Variants in THEM4 observed in about 807,000 individuals in gnomAD.
THEM4 encodes the protein acyl-coenzyme A thioesterase THEM4.
THEM4 carries 22 observed loss-of-function variants against 25.0 expected under a neutral mutation model. That is an observed-to-expected ratio of 0.88 (90% CI 0.63 to 1.26). THEM4 has a LOEUF of 1.26. Ranked by LOEUF, THEM4 falls within the 50% of genes most tolerant of loss-of-function variation. The pLI, the probability that THEM4 is intolerant of heterozygous loss-of-function variation, is 0.00. For synonymous variants in THEM4, 113 were observed against 105.6 expected, an observed-to-expected ratio of 1.07 and a Z score of -0.43; for missense variants, 286 against 300.3, an observed-to-expected ratio of 0.95 and a Z score of 0.35.
chr1:151,904,373 TTCATA>T (rs1043213930), intron 1 of THEM4, among the ~76,000 whole-genome samples: 5 of 152,156 alleles, frequency 3.3e-5, no homozygotes, highest in Non-Finnish European at 7.4e-5. Context: ...ACAAAATATA[TTCATA>T]TATTATAAAA....
Position 151,874,598 on chromosome 1 carries a change from C to G in THEM4, c.*290G>C. ...TCGTGTTGCCCAGACTGATCTTGAA[C>G]TCCTGAGCTCAGGCAATCCGCCTGC... On this transcript the variant is annotated 3_prime_UTR_variant, in exon 6 of 6. Coordinates refer to ENST00000368814, the MANE Select transcript of THEM4 (RefSeq NM_053055.5). 1 of 452,632 alleles carries G rather than the reference C, an allele frequency of 2.2e-6. No individual in the cohort carries two copies. Among genetic ancestry groups the G allele is most frequent in the Non-Finnish European group, 4.0e-6 (1 of 252,272 alleles). 28.0% of individuals were successfully genotyped at this position (452,632 alleles called of 1,614,324 possible).
intron 1 of THEM4, among the ~76,000 whole-genome samples, chr1:151,899,383 C>T (rs1470931992): frequency 2.7e-5 from 4 of 150,414 alleles, no homozygotes; most frequent in African/African-American, 4.9e-5. Flanking sequence ...TCCAGCTACT[C>T]GGGAGGCTGA....
At chr1:151,908,933 T>A (rs149446877) in intron 1 of THEM4, among the ~76,000 whole-genome samples, 25 of 152,302 alleles carry the variant, frequency 1.6e-4, no homozygotes, top group Non-Finnish European at 2.8e-4. Flanking sequence ...TCTAATTAAT[T>A]GACCTAAAGG....
intron 1 of THEM4, among the ~76,000 whole-genome samples, chr1:151,906,942 A>G (rs1654482662): frequency 6.6e-6 from 1 of 152,124 alleles, no homozygotes; most frequent in African/African-American, 2.4e-5. Context: ...ATAAGAGAAT[A>G]AAAGCAGGCT....
intron 4 of THEM4, among the ~76,000 whole-genome samples, chr1:151,884,633 T>A (rs1256907861): frequency 6.6e-6 from 1 of 152,176 alleles, no homozygotes; most frequent in Non-Finnish European, 1.5e-5. Context: ...TTTAACCTAT[T>A]CACTGAGGTA....
intron 1 of THEM4, among the ~76,000 whole-genome samples, chr1:151,907,032 C>G (rs534097737): frequency 1.3e-5 from 2 of 152,172 alleles, no homozygotes; most frequent in Admixed American, 1.3e-4. Context: ...TGCAATAAAT[C>G]TTGCTGCTGC....
rs769964670 is a variant in THEM4, at chr1:151,872,382, C to T, written c.*2506G>A. On this transcript the variant is annotated 3_prime_UTR_variant, in exon 6 of 6. Transcript: ENST00000368814. ...GTCAATATTTGACCATTCTGTTCTT[C>T]GAAATAGTGATTTCATATGGTTCAG... 6.6e-6 allele frequency among the ~76,000 whole-genome samples: 1 copy of T among 151,976 alleles called. No homozygotes were observed. The highest frequency in any genetic ancestry group is 1.5e-5 in the Non-Finnish European group (1 of 68,012).
chr1:151,906,634 T>C (rs1029554088), intron 1 of THEM4, among the ~76,000 whole-genome samples: 3 of 152,226 alleles, frequency 2.0e-5, no homozygotes, highest in Non-Finnish European at 4.4e-5. Context: ...CCTTTATGTC[T>C]AGCTAAAGGA....
rs573791860 is a variant in THEM4, at chr1:151,885,840, T to C, written c.557+2433A>G. On this transcript the variant is annotated intron_variant, in intron 4 of 5. Transcript: ENST00000368814. ...TGAAATCATTAAGGAATAATCTTGC[T>C]TCTTAAAGGAAGTAAGGTAGATTAA... Among the ~76,000 whole-genome samples, 6 of 152,348 alleles carry C rather than the reference T, an allele frequency of 3.9e-5. No homozygotes were observed. In the South Asian group the frequency reaches 1.2e-3, roughly 32 times the overall value.
rs920126357 is a variant in THEM4, at chr1:151,871,258, G to A, written c.*3630C>T. Among the ~76,000 whole-genome samples the A allele has an allele frequency of 3.3e-5, 5 of 151,114 alleles. No individual in the cohort carries two copies. Among genetic ancestry groups the A allele is most frequent in the Middle Eastern group, 3.4e-3 (1 of 294 alleles). The stretch of plus-strand genomic sequence containing the variant: ...GAGAATCGCTTGAACCTGGGAGGTG[G>A]AGGTTGCATTGAGCTGAGATTGTGT... On this transcript the variant is annotated 3_prime_UTR_variant, in exon 6 of 6. Transcript: ENST00000368814.
chr1:151,908,807 GA>G (rs1654532059), intron 1 of THEM4, among the ~76,000 whole-genome samples: 1 of 152,112 alleles, frequency 6.6e-6, no homozygotes, highest in Non-Finnish European at 1.5e-5. Flanking sequence ...GGAACCCCAG[GA>G]ATTAAAAGCA....
rs765997190 is a variant in THEM4 at position 151,895,068 on chromosome 1, A to T, written c.226T>A (p.Leu76Met). The change falls in exon 2 of 6, where the codon TTG becomes ATG. Residue 76 changes from leucine (L) to methionine (M), a missense_variant. Coordinates refer to ENST00000368814, the MANE Select transcript of THEM4 (RefSeq NM_053055.5). ...KKCEDGSWKR[L>M]PSYKRTPTEW... ...GTAGGTGTACGTTTATATGAAGGCA[A>T]ACGTTTCCAGGAGCCGTCTTCACAT... The T allele has an allele frequency of 1.2e-5, 19 of 1,614,124 alleles. No individual in the cohort carries two copies. Among genetic ancestry groups the T allele is most frequent in the Non-Finnish European group, 1.5e-5 (18 of 1,180,016 alleles).
intron 4 of THEM4, among the ~76,000 whole-genome samples, chr1:151,881,314 T>A (rs1224641355): frequency 6.6e-6 from 1 of 152,206 alleles, no homozygotes; most frequent in Non-Finnish European, 1.5e-5. Flanking sequence ...ACCACAGGCA[T>A]GAGCCACTGC....
chr1:151,876,241 T>C (rs942771625), intron 5 of THEM4, among the ~76,000 whole-genome samples: 3 of 152,222 alleles, frequency 2.0e-5, no homozygotes, highest in Admixed American at 6.5e-5. Flanking sequence ...ATATAGTTCA[T>C]AGGTGAGCTG....
intron 1 of THEM4, among the ~76,000 whole-genome samples, chr1:151,897,209 C>G (rs1011693422): frequency 6.6e-6 from 1 of 152,210 alleles, no homozygotes; most frequent in African/African-American, 2.4e-5. Context: ...CCATGGCATT[C>G]TACTTTCAGC....
intron 1 of THEM4, among the ~76,000 whole-genome samples, chr1:151,908,555 C>T (rs1654525696): frequency 6.6e-6 from 1 of 152,058 alleles, no homozygotes; most frequent in South Asian, 2.1e-4. Flanking sequence ...AAATATTGGC[C>T]GCTTGGTGGA....
At chr1:151,893,733 G>C (rs1192330896) in intron 2 of THEM4, among the ~76,000 whole-genome samples, 4 of 152,128 alleles carry the variant, frequency 2.6e-5, no homozygotes, top group Non-Finnish European at 5.9e-5. Context: ...GGTGAGAAGG[G>C]AAAGTATTAG....
At chr1:151,902,670 A>T (rs1654375782) in intron 1 of THEM4, among the ~76,000 whole-genome samples, 1 of 152,162 alleles carries the variant, frequency 6.6e-6, no homozygotes, top group Non-Finnish European at 1.5e-5. Flanking sequence ...AAAAAATAAA[A>T]ATTAAACAAA....
intron 4 of THEM4, among the ~76,000 whole-genome samples, chr1:151,877,835 C>T (rs183484160): frequency 1.6e-4 from 25 of 152,218 alleles, no homozygotes; most frequent in Admixed American, 1.2e-3. Flanking sequence ...CCTGGAGAAA[C>T]ATATCACAAT....
Sources: gnomAD v4.1 joint callset for allele counts (sites outside exome capture counted in the v4.1 genomes callset) on GRCh38, gnomAD v4.1.1 for gene constraint, MANE v1.5 for transcripts, NCBI Gene and HGNC (gene_info 2026-07-23, HGNC 2026-07-21) for gene names.